The following EXOC6B variants were observed in gnomAD, a reference collection of about 807,000 sequenced individuals.
EXOC6B encodes exocyst complex component 6B, also known as SEC15 homolog B.
In EXOC6B, 54 loss-of-function variants were observed where a neutral mutation model predicts 113.5. The observed-to-expected ratio is 0.48, with a 90% CI of 0.38 to 0.60. The LOEUF (loss-of-function observed/expected upper bound fraction) is 0.60, where lower values mean the gene tolerates loss of function less well. Among genes scored for constraint, EXOC6B ranks in the 20% least tolerant of loss-of-function variants. EXOC6B has a pLI of 0.00. For synonymous variants in EXOC6B, 357 were observed against 339.0 expected (o/e 1.05, Z -0.58); for missense variants, 797 against 977.5 (o/e 0.82, Z 2.46).
chr2:72,576,779 A>C (rs1704890631), intron 6 of EXOC6B, among the ~76,000 whole-genome samples: 1 of 152,164 alleles, frequency 6.6e-6, no homozygotes, highest in East Asian at 1.9e-4. Context: ...CATGTTCCAA[A>C]AACATTTCCC....
intron 8 of EXOC6B, among the ~76,000 whole-genome samples, chr2:72,539,795 A>G (rs1219486601): frequency 6.6e-6 from 1 of 151,840 alleles, no homozygotes; most frequent in East Asian, 1.9e-4. Context: ...GACTAAATAT[A>G]ATTTTTTTAT....
chr2:72,559,333 C>T, intron 8 of EXOC6B, 120 bp downstream of exon 8: 1 of 611,358 alleles, frequency 1.6e-6, no homozygotes, highest in South Asian at 5.1e-5. Context: ...AGTCCTTAAA[C>T]AACAAGAGTT....
intron 6 of EXOC6B, among the ~76,000 whole-genome samples, chr2:72,607,599 A>G (rs1670829935): frequency 6.6e-6 from 1 of 152,170 alleles, no homozygotes; most frequent in Middle Eastern, 3.2e-3. Context: ...CTTAGAGTCC[A>G]GGGCATAGTC....
At chr2:72,581,867 C>G (rs1314399697) in intron 6 of EXOC6B, among the ~76,000 whole-genome samples, 3 of 152,186 alleles carry the variant, frequency 2.0e-5, no homozygotes, top group Non-Finnish European at 4.4e-5. Context: ...TTACCCATCA[C>G]TCCCCTAACC....
intron 7 of EXOC6B, among the ~76,000 whole-genome samples, chr2:72,566,816 A>C (rs1005314542): frequency 6.6e-6 from 1 of 152,112 alleles, no homozygotes; most frequent in Admixed American, 6.5e-5. Flanking sequence ...TGGTACATCC[A>C]AACAATGGAG....
intron 1 of EXOC6B, among the ~76,000 whole-genome samples, chr2:72,798,675 A>G (rs1215013705): frequency 6.6e-6 from 1 of 152,118 alleles, no homozygotes; most frequent in Non-Finnish European, 1.5e-5. Flanking sequence ...TCCATATTAT[A>G]TATATTTTTA....
rs973301740 is a variant in EXOC6B at position 72,189,422 on chromosome 2, C to T, written c.2197-5235G>A. Among the ~76,000 whole-genome samples the T allele has an allele frequency of 5.3e-5, 8 of 152,226 alleles. No homozygotes were observed. The East Asian group carries it at 1.2e-3, about 22-fold the overall frequency. ...GGAGGCATACAAATGCTCATTTTTC[C>T]CTCATTGGTGATATTAATTTTGATC... On this transcript the variant is annotated intron_variant, in intron 20 of 21. Coordinates refer to ENST00000272427, the MANE Select transcript of EXOC6B (RefSeq NM_015189.3).
At chr2:72,223,693 G>GTTTT (rs1168131459) in intron 20 of EXOC6B, among the ~76,000 whole-genome samples, 14 of 151,886 alleles carry the variant, frequency 9.2e-5, no homozygotes, top group African/African-American at 3.1e-4. Flanking sequence ...TTTTTTGTTT[G>GTTTT]TTTGTTTGTT....
At position 72,182,605 on chromosome 2, in the gene EXOC6B, G is replaced by A. The variant is rs769281603; in HGVS notation, c.2309+1470C>T. 2.0e-5 allele frequency among the ~76,000 whole-genome samples: 3 copies of A among 152,040 alleles called. No homozygotes were observed. In the East Asian group the frequency reaches 5.8e-4, roughly 29 times the overall value. On this transcript the variant is annotated intron_variant, in intron 21 of 21. Transcript: ENST00000272427. The stretch of plus-strand genomic sequence containing the variant: ...CAGGCCCCACACTAGCAAGAGTATT[G>A]AGTGTGCCAAGAAGCTGAATGGGAA...
At chr2:72,196,229 G>A (rs1022815125) in intron 20 of EXOC6B, among the ~76,000 whole-genome samples, 1 of 152,138 alleles carries the variant, frequency 6.6e-6, no homozygotes, top group Non-Finnish European at 1.5e-5. Context: ...AAGAAACATA[G>A]TTGTAGAAAA....
In EXOC6B at chr2:72,718,160, G is replaced by T; in HGVS notation, c.612C>A (p.Asp204Glu). 1 of 1,613,770 alleles carries T rather than the reference G, an allele frequency of 6.2e-7. No individual in the cohort carries two copies. Among genetic ancestry groups the T allele is most frequent in the Non-Finnish European group, 8.5e-7 (1 of 1,179,770 alleles). Residue 204 changes from aspartate to glutamate, a missense_variant, in exon 6 of 22, where the codon GAC (aspartate) becomes GAA (glutamate). Physicochemically the swap from Asp to Glu is conservative, Grantham distance 45. Transcript: ENST00000272427. ...AATGTTTGCGGATGCTCTCCAGAAA[G>T]TCTTTGAGATCGGACATAGAAACAT... Reference protein sequence around the residue: ...IKDVSMSDLKDFLESIRKHSD... With the variant: ...IKDVSMSDLKEFLESIRKHSD...
chr2:72,476,227 C>T (rs182002652), intron 17 of EXOC6B, among the ~76,000 whole-genome samples: 104 of 152,316 alleles, frequency 6.8e-4, no homozygotes, highest in African/African-American at 2.4e-3. Context: ...CTGAAAGTTT[C>T]TACTAACCCT....
intron 20 of EXOC6B, among the ~76,000 whole-genome samples, chr2:72,187,098 C>G (rs767358996): frequency 1.3e-5 from 2 of 152,080 alleles, no homozygotes; most frequent in Non-Finnish European, 2.9e-5. Flanking sequence ...CTCCAGGTGC[C>G]GGCATGGGCA....
chr2:72,480,646 A>C lies in EXOC6B; in HGVS notation c.1770T>G (p.Thr590=), dbSNP rs750573061. 2 of 1,587,302 alleles carry C rather than the reference A, an allele frequency of 1.3e-6. No homozygotes were observed. Among genetic ancestry groups the C allele is most frequent in the African/African-American group, 2.7e-5 (2 of 74,548 alleles). The change falls in exon 17 of 22, where the codon ACT becomes ACG. Residue 590 remains threonine (T), a synonymous_variant. Coordinates refer to ENST00000272427, the MANE Select transcript of EXOC6B (RefSeq NM_015189.3). The stretch of plus-strand genomic sequence containing the variant: ...AAGTTGTGGTGCCATAGAGCTTGGT[A>C]GTGTGAACTGTCTCTGGAAGCACAT... ...ITNVLPETVH[T]TKLYGTTTFK... is the part of the protein sequence containing the mutation.
chr2:72,640,358 G>A (rs894939004), intron 6 of EXOC6B, among the ~76,000 whole-genome samples: 9 of 152,092 alleles, frequency 5.9e-5, no homozygotes, highest in African/African-American at 1.9e-4. Flanking sequence ...TAAGAAATAC[G>A]GGATTATGTA....
chr2:72,388,747 C>A (rs1373249986), intron 18 of EXOC6B, among the ~76,000 whole-genome samples: 1 of 152,076 alleles, frequency 6.6e-6, no homozygotes. Context: ...TTATTGAGTG[C>A]AGACACACGG....
chr2:72,307,161 G>GTTATTTTTTTTTT (rs1686914474), intron 20 of EXOC6B, among the ~76,000 whole-genome samples: 1 of 128,514 alleles, frequency 7.8e-6, no homozygotes, highest in African/African-American at 3.8e-5. Flanking sequence ...GTATAGTCCA[G>GTTATTTTTTTTTT]TTTTTTTTTT....
At chr2:72,704,972 A>T (rs1247003596) in intron 6 of EXOC6B, among the ~76,000 whole-genome samples, 1 of 152,124 alleles carries the variant, frequency 6.6e-6, no homozygotes, top group East Asian at 1.9e-4. Context: ...TCCCTAACTC[A>T]TTTTATGAGG....
chr2:72,406,446 G>C (rs1693769935), intron 18 of EXOC6B, among the ~76,000 whole-genome samples: 1 of 152,020 alleles, frequency 6.6e-6, no homozygotes, highest in Non-Finnish European at 1.5e-5. Context: ...TGACCACATA[G>C]TTGGAAGTAA....
Sources: gnomAD v4.1 joint callset for allele counts (sites outside exome capture counted in the v4.1 genomes callset) on GRCh38, gnomAD v4.1.1 for gene constraint, MANE v1.5 for transcripts, NCBI Gene and HGNC (gene_info 2026-07-23, HGNC 2026-07-21) for gene names.